The following NELL2 variants were observed in gnomAD, a reference collection of about 807,000 sequenced individuals.
The protein encoded by NELL2 is protein kinase C-binding protein NELL2.
NELL2 carries 41 observed loss-of-function variants against 109.6 expected under a neutral mutation model. That is an observed-to-expected ratio of 0.37 (90% CI 0.29 to 0.49). The LOEUF (loss-of-function observed/expected upper bound fraction) is 0.49. Among genes scored for constraint, NELL2 ranks in the 20% least tolerant of loss-of-function variants. NELL2 has a pLI of 0.98. For synonymous variants in NELL2, 355 were observed against 344.7 expected, an observed-to-expected ratio of 1.03 and a Z score of -0.33; for missense variants, 900 against 1,008.3, an observed-to-expected ratio of 0.89 and a Z score of 1.45.
chr12:44,917,204 G>T (rs1216687293), upstream of NELL2, among the ~76,000 whole-genome samples: 1 of 152,168 alleles, frequency 6.6e-6, no homozygotes, highest in South Asian at 2.1e-4. Flanking sequence ...GCAAGAAAAT[G>T]TCAAAAGGTC....
In NELL2 at chr12:44,875,990, G is replaced by T; in HGVS notation, c.-121C>A. Reference sequence around the variant, plus strand: ...CTCCTGCTGCTGCCTCGGATTTACTGATCAGTAGGATTAATACGCTTTGGT... The same window carrying T: ...CTCCTGCTGCTGCCTCGGATTTACTTATCAGTAGGATTAATACGCTTTGGT... On this transcript the variant is annotated 5_prime_UTR_variant, in exon 1 of 20. Transcript: ENST00000429094. 1.9e-6 allele frequency: 3 copies of T among 1,555,466 alleles called. No homozygotes were observed. Among genetic ancestry groups the T allele is most frequent in the South Asian group, 1.2e-5 (1 of 86,110 alleles).
intron 3 of NELL2, among the ~76,000 whole-genome samples, chr12:44,794,034 G>C (rs993781778): frequency 6.6e-6 from 1 of 152,106 alleles, no homozygotes; most frequent in African/African-American, 2.4e-5. Context: ...AGTCTCAGTA[G>C]GACACAGCCC....
At chr12:44,577,602 C>A (rs1292340780) in intron 15 of NELL2, among the ~76,000 whole-genome samples, 5 of 151,428 alleles carry the variant, frequency 3.3e-5, no homozygotes, top group Admixed American at 6.6e-5. Context: ...CTCAGCCTCC[C>A]GAGTAGCTGG....
chr12:44,813,093 T>A (rs1291015980), intron 3 of NELL2, among the ~76,000 whole-genome samples: 2 of 152,166 alleles, frequency 1.3e-5, no homozygotes, highest in African/African-American at 4.8e-5. Flanking sequence ...GGGGGACAAT[T>A]GAAGTACAGA....
Position 44,774,858 on chromosome 12 carries a change from G to A in NELL2, c.892-9C>T. On this transcript the variant is annotated splice_polypyrimidine_tract_variant and intron_variant, in intron 8 of 19. Coordinates refer to ENST00000429094, the MANE Select transcript of NELL2 (RefSeq NM_001145108.2). ...CACTGGATGGTTCCATTCTGAAAAGGAAACAATATTTAAAGAATTTCCATG... is the reference window on the plus strand; with the variant it reads ...CACTGGATGGTTCCATTCTGAAAAGAAAACAATATTTAAAGAATTTCCATG... The A allele has an allele frequency of 1.3e-6, 2 of 1,581,256 alleles. No individual in the cohort carries two copies. The highest frequency in any genetic ancestry group is 1.7e-6 in the Non-Finnish European group (2 of 1,156,470).
chr12:44,660,543 A>T (rs1190077701), intron 13 of NELL2, among the ~76,000 whole-genome samples: 1 of 152,174 alleles, frequency 6.6e-6, no homozygotes, highest in East Asian at 1.9e-4. Flanking sequence ...ATAACCAAAA[A>T]TATCTCCAGA....
At chr12:44,630,715 G>C (rs1190014743) in intron 13 of NELL2, among the ~76,000 whole-genome samples, 1 of 152,058 alleles carries the variant, frequency 6.6e-6, no homozygotes, top group Non-Finnish European at 1.5e-5. Context: ...CAAGAGAACA[G>C]TCATAATAAT....
At chr12:44,587,284 A>AAAAAAATATATATATATAT in intron 15 of NELL2, among the ~76,000 whole-genome samples, 2 of 72,204 alleles carry the variant, frequency 2.8e-5, no homozygotes, top group Admixed American at 1.6e-4. Context: ...AAAAAAAAAA[A>AAAAAAATATATATATATAT]ATATATATAT....
chr12:44,515,816 A>G (rs888573253), intron 19 of NELL2, among the ~76,000 whole-genome samples: 3 of 151,976 alleles, frequency 2.0e-5, no homozygotes, highest in African/African-American at 7.2e-5. Context: ...GCCACTCTTC[A>G]TGCTAACCTT....
rs559596510 is a variant in NELL2, at chr12:44,628,323, A to C, written c.1445-17353T>G. 5.5e-4 allele frequency among the ~76,000 whole-genome samples: 84 copies of C among 152,330 alleles called. 1 individual carries two copies. The highest frequency in any genetic ancestry group is 1.9e-3 in the African/African-American group (81 of 41,590). Reference sequence around the variant, plus strand: ...AATTTCTTAGACTTTGCAGTTATCCAGTGGTTGCTGAAGAATTGCAGCATG... The same window carrying C: ...AATTTCTTAGACTTTGCAGTTATCCCGTGGTTGCTGAAGAATTGCAGCATG... On this transcript the variant is annotated intron_variant, in intron 13 of 19. Transcript: ENST00000429094.
intron 12 of NELL2, among the ~76,000 whole-genome samples, chr12:44,693,683 T>C (rs1345991156): frequency 6.6e-6 from 1 of 152,170 alleles, no homozygotes; most frequent in Non-Finnish European, 1.5e-5. Context: ...GTTTTGAGTC[T>C]GAGAAAGTTG....
chr12:44,703,867 A>G lies in NELL2; in HGVS notation c.1190-13T>C. ...CAAAAGTCATAACCTACAGAAAAAA[A>G]AAGAAATTTATTAAGGTAAATGAAA... On this transcript the variant is annotated splice_polypyrimidine_tract_variant and intron_variant, in intron 11 of 19. Transcript: ENST00000429094. 1.2e-6 allele frequency: 2 copies of G among 1,602,318 alleles called. No homozygotes were observed. Among genetic ancestry groups the G allele is most frequent in the Non-Finnish European group, 8.5e-7 (1 of 1,175,706 alleles).
chr12:44,854,747 G>A (rs946425491), intron 2 of NELL2, among the ~76,000 whole-genome samples: 5 of 151,814 alleles, frequency 3.3e-5, no homozygotes, highest in African/African-American at 1.2e-4. Flanking sequence ...TGGATGGGTG[G>A]ATGGGTGGAT....
At chr12:44,635,650 T>C (rs1055208280) in intron 13 of NELL2, among the ~76,000 whole-genome samples, 2 of 152,198 alleles carry the variant, frequency 1.3e-5, no homozygotes, top group African/African-American at 2.4e-5. Flanking sequence ...TATACATCTG[T>C]TTTGGTACCA....
At chr12:44,538,894 A>G (rs1484653445) in intron 15 of NELL2, among the ~76,000 whole-genome samples, 1 of 152,156 alleles carries the variant, frequency 6.6e-6, no homozygotes, top group African/African-American at 2.4e-5. Flanking sequence ...CTAGAGTCTT[A>G]GTATTTTATT....
intron 9 of NELL2, among the ~76,000 whole-genome samples, chr12:44,755,189 C>T (rs1940829491): frequency 6.6e-6 from 1 of 151,476 alleles, no homozygotes; most frequent in Non-Finnish European, 1.5e-5. Flanking sequence ...ACCACATGCC[C>T]CATGGACTTC....
intron 2 of NELL2, among the ~76,000 whole-genome samples, chr12:44,862,240 T>C (rs537145762): frequency 6.6e-6 from 1 of 152,218 alleles, no homozygotes; most frequent in African/African-American, 2.4e-5. Context: ...AACTTTGCCA[T>C]GAAATATCTT....
intron 15 of NELL2, among the ~76,000 whole-genome samples, chr12:44,536,268 C>G (rs553510573): frequency 9.9e-5 from 15 of 151,948 alleles, no homozygotes; most frequent in African/African-American, 3.4e-4. Context: ...GAAAGCTGAT[C>G]CACAATTTAT....
intron 15 of NELL2, among the ~76,000 whole-genome samples, chr12:44,583,880 C>T (rs964596320): frequency 6.6e-6 from 1 of 152,200 alleles, no homozygotes; most frequent in Non-Finnish European, 1.5e-5. Context: ...TCAAGCCATC[C>T]TCCCACCTCA....
Sources: gnomAD v4.1 joint callset for allele counts (sites outside exome capture counted in the v4.1 genomes callset) on GRCh38, gnomAD v4.1.1 for gene constraint, MANE v1.5 for transcripts, NCBI Gene and HGNC (gene_info 2026-07-23, HGNC 2026-07-21) for gene names.